Variants in MLLT6 observed in about 807,000 individuals in gnomAD.
MLLT6 encodes protein AF-17.
In MLLT6, 22 loss-of-function variants were observed where a neutral mutation model predicts 103.0. That is an observed-to-expected ratio of 0.21 (90% CI 0.15 to 0.31). The LOEUF is 0.31. MLLT6 is among the 10% of genes least tolerant of loss of function. MLLT6 has a pLI of 1.00. For missense variants in MLLT6, 1,199 were observed against 1,441.7 expected, an observed-to-expected ratio of 0.83 and a Z score of 2.73; for synonymous variants, 606 against 623.5, an observed-to-expected ratio of 0.97 and a Z score of 0.42.
intron 19 of MLLT6, 77 bp from the exon 20 acceptor site, chr17:38,725,480 G>C: frequency 7.3e-7 from 1 of 1,373,080 alleles, no homozygotes; most frequent in Non-Finnish European, 1.0e-6. Context: ...AGCTTTCTTG[G>C]CCTAGGAAGC....
chr17:38,705,424 G>C lies in MLLT6; in HGVS notation c.-209G>C, dbSNP rs1234778097. 7 of 395,436 alleles carry C rather than the reference G, an allele frequency of 1.8e-5. No individual in the cohort carries two copies. The highest frequency in any genetic ancestry group is 4.6e-5 in the Admixed American group (1 of 21,792). 24.5% of individuals were successfully genotyped at this position (395,436 alleles called of 1,614,324 possible). ...GGGCATGAGGGCGAGAGCACGGCGG[G>C]GGGGGCGGCCAGACAGAGCGAGCGA... On this transcript the variant is annotated 5_prime_UTR_variant, in exon 1 of 20. Coordinates refer to ENST00000621332, the MANE Select transcript of MLLT6 (RefSeq NM_005937.4).
chr17:38,715,717 A>G lies in MLLT6; in HGVS notation c.925A>G (p.Ser309Gly), dbSNP rs1905308692. 6.2e-7 allele frequency: 1 copy of G among 1,614,152 alleles called. No homozygotes were observed. The change falls in exon 9 of 20, where the codon AGT becomes GGT. Residue 309 changes from serine to glycine, a missense_variant. Physicochemically the swap from Ser to Gly is moderately conservative, Grantham distance 56. Coordinates refer to ENST00000621332, the MANE Select transcript of MLLT6 (RefSeq NM_005937.4). ...KGKKSSSHSLSHKGKKLSSGK... is the reference protein window; with the variant it reads ...KGKKSSSHSLGHKGKKLSSGK... ...GAAAAAGTCTTCCAGCCATAGCCTGAGTCATAAAGGGAAGAAACTGAGCAG... is the reference window on the plus strand; with the variant it reads ...GAAAAAGTCTTCCAGCCATAGCCTGGGTCATAAAGGGAAGAAACTGAGCAG...
chr17:38,717,505 C>G lies in MLLT6; in HGVS notation c.1725C>G (p.Leu575=), dbSNP rs1246304783. ...GMLRAVCSTP[L]SSSLLGPPGT... is the part of the protein sequence containing the mutation. ...TGCGGGCTGTCTGCAGCACCCCTCT[C>G]TCCTCCAGCCTCCTGGGGCCCCCAG... Residue 575 remains leucine, a synonymous_variant, in exon 11 of 20, where the codon CTC becomes CTG. Transcript: ENST00000621332. 3 of 1,613,200 alleles carry G rather than the reference C, an allele frequency of 1.9e-6. No homozygotes were observed. Among genetic ancestry groups the G allele is most frequent in the African/African-American group, 1.3e-5 (1 of 74,906 alleles).
At position 38,721,913 on chromosome 17, in the gene MLLT6, G is replaced by T. The variant is rs369528342; in HGVS notation, c.2478G>T (p.Ser826=). 6.4e-7 allele frequency: 1 copy of T among 1,573,990 alleles called. No individual in the cohort carries two copies. Among genetic ancestry groups the T allele is most frequent in the Non-Finnish European group, 8.6e-7 (1 of 1,167,876 alleles). ...PHSGCPSRSS[S]SLSFHSTPPP... Reference sequence around the variant, plus strand: ...CAGGCTGCCCGAGCCGCAGCAGCTCGTCGCTGTCCTTCCACAGCACGCCCC... The same window carrying T: ...CAGGCTGCCCGAGCCGCAGCAGCTCTTCGCTGTCCTTCCACAGCACGCCCC... Residue 826 remains serine (S), a synonymous_variant, in exon 17 of 20, where the codon TCG becomes TCT. Transcript: ENST00000621332.
rs142448508 is a variant in MLLT6, at chr17:38,717,902, C to G, written c.1891C>G (p.Pro631Ala). The G allele has an allele frequency of 8.1e-6, 13 of 1,613,974 alleles. No homozygotes were observed. The highest frequency in any genetic ancestry group is 2.7e-5 in the African/African-American group (2 of 74,920). Reference sequence around the variant, plus strand: ...CCCTTCTACCCACATCTTTGGAACCCCCATGGGTGCCGTTAATCCCCTCCT... The same window carrying G: ...CCCTTCTACCCACATCTTTGGAACCGCCATGGGTGCCGTTAATCCCCTCCT... Reference protein sequence around the residue: ...SLPSTHIFGTPMGAVNPLLSQ... With the variant: ...SLPSTHIFGTAMGAVNPLLSQ... The change falls in exon 12 of 20, where the codon CCC becomes GCC. Residue 631 changes from proline to alanine, a missense_variant. This residue lies in a region of MLLT6 where 1,034 missense variants were observed against 1,091.5 expected (regional missense o/e 0.95). Coordinates refer to ENST00000621332, the MANE Select transcript of MLLT6 (RefSeq NM_005937.4).
At chr17:38,705,765 C>A in intron 1 of MLLT6, 24 bp downstream of exon 1, 1 of 1,254,262 alleles carries the variant, frequency 8.0e-7, no homozygotes, top group Non-Finnish European at 1.0e-6. Flanking sequence ...CCGCGGGGGG[C>A]GGCGGGACCC....
Position 38,722,116 on chromosome 17 carries a change from T to C in MLLT6, c.2681T>C (p.Leu894Pro). The C allele has an allele frequency of 7.3e-7, 1 of 1,376,620 alleles. No individual in the cohort carries two copies. Among genetic ancestry groups the C allele is most frequent in the Non-Finnish European group, 9.3e-7 (1 of 1,070,416 alleles). 85.3% of individuals were successfully genotyped at this position (1,376,620 alleles called of 1,614,324 possible). A position where few individuals can be genotyped will look rare whatever the true frequency, so the allele number is the denominator to read the frequency against. The change falls in exon 17 of 20, where the codon CTG becomes CCG. Residue 894 changes from leucine to proline, a missense_variant. By Grantham distance (98) the Leu-to-Pro change is moderately conservative (BLOSUM62 -3). Coordinates refer to ENST00000621332, the MANE Select transcript of MLLT6 (RefSeq NM_005937.4). ...LLGGLAGSGG[L>P]PLNGLLGGLN... ...GGGGGGCTGGCAGGCAGTGGGGGCC[T>C]GCCCCTCAATGGGCTCCTTGGGGGG...
At position 38,716,058 on chromosome 17, in the gene MLLT6, C is replaced by A. The variant is rs770530335; in HGVS notation, c.1036+230C>A. ...ACCCCACCAACCTCATAACAGTATT[C>A]CTTATCCCCTACATTTGTGCTGCAA... On this transcript the variant is annotated intron_variant, in intron 9 of 19. Coordinates refer to ENST00000621332, the MANE Select transcript of MLLT6 (RefSeq NM_005937.4). This position sits in a 1 kb window ranked among gnomAD's most constrained non-coding sequence, Gnocchi z 5.6. 1.6e-6 allele frequency: 1 copy of A among 606,196 alleles called. No individual in the cohort carries two copies. The highest frequency in any genetic ancestry group is 2.9e-6 in the Non-Finnish European group (1 of 344,036). The allele number at this position is 606,196 out of a possible 1,614,324, so 37.6% of individuals were successfully genotyped here. A position where few individuals can be genotyped will look rare whatever the true frequency, so the allele number is the denominator to read the frequency against.
At chr17:38,710,730 G>GC (rs1357180817) in intron 6 of MLLT6, among the ~76,000 whole-genome samples, 2 of 152,152 alleles carry the variant, frequency 1.3e-5, no homozygotes, top group African/African-American at 4.8e-5. Context: ...GTCCTGATTT[G>GC]CCCCAGACAG....
Position 38,720,362 on chromosome 17 carries a change from C to T in MLLT6, c.2156-10C>T, listed in dbSNP as rs761722637. On this transcript the variant is annotated splice_polypyrimidine_tract_variant and intron_variant, in intron 14 of 19. Transcript: ENST00000621332. ...TCGCCCCTCCCTCAGGTTCCTCGCT[C>T]TCTCCGCAGTCGTGGAGATGCTGAA... The T allele has an allele frequency of 3.1e-6, 5 of 1,594,688 alleles. No individual in the cohort carries two copies. Among genetic ancestry groups the T allele is most frequent in the African/African-American group, 1.3e-5 (1 of 74,458 alleles).
At position 38,724,794 on chromosome 17, in the gene MLLT6, C is replaced by T. The variant is rs771147387; in HGVS notation, c.3058C>T (p.Pro1020Ser). The T allele has an allele frequency of 9.3e-6, 15 of 1,605,580 alleles. No individual in the cohort carries two copies. In the South Asian group the frequency reaches 1.3e-4, roughly 14 times the overall value. ...PGLLPTASAP[P>S]LLPAGALVAP... ...CCTGCTGCCCACAGCGTCTGCTCCA[C>T]CCCTGCTGCCCGCTGGAGCCCTAGT... The change falls in exon 19 of 20, where the codon CCC becomes TCC. Residue 1020 changes from proline to serine, a missense_variant. By Grantham distance (74) the Pro-to-Ser change is moderately conservative. Transcript: ENST00000621332. This position sits in a 1 kb window ranked among gnomAD's most constrained non-coding sequence, Gnocchi z 5.4.
rs891443028 is a variant in MLLT6 at position 38,716,477 on chromosome 17, C to T, written c.1147C>T (p.Pro383Ser). The T allele has an allele frequency of 6.2e-7, 1 of 1,614,160 alleles. No individual in the cohort carries two copies. Residue 383 changes from proline to serine, a missense_variant, in exon 10 of 20, where the codon CCC becomes TCC. Around this residue, in one of 7 missense-constraint regions of MLLT6, gnomAD observed 1,034 missense variants for 1,091.5 expected, o/e 0.95. Transcript: ENST00000621332. This position sits in a 1 kb window ranked among gnomAD's most constrained non-coding sequence, Gnocchi z 5.6. ...TAPAPSAPPS[P>S]SAPEPPKADL... ...CCCCGCCCCTTCAGCCCCTCCTTCT[C>T]CCTCAGCTCCCGAGCCCCCCAAGGC... is the stretch of plus-strand genomic sequence containing the variant.
chr17:38,718,220 C>G (rs899313746), intron 12 of MLLT6: 1 of 331,236 alleles, frequency 3.0e-6, no homozygotes, highest in Non-Finnish European at 5.5e-6. Context: ...ACTAAAAATA[C>G]AAAAAGTAGC....
rs745688665 is a variant in MLLT6, at chr17:38,728,297, C to G, written c.*2699C>G. On this transcript the variant is annotated 3_prime_UTR_variant, in exon 20 of 20. Coordinates refer to ENST00000621332, the MANE Select transcript of MLLT6 (RefSeq NM_005937.4). ...TACCAACGCAGGGGGATGGCTGTAA[C>G]GATCTCACCGTCTCCTAACCTCAGT... 2 of 233,232 alleles carry G rather than the reference C, an allele frequency of 8.6e-6. No homozygotes were observed. The highest frequency in any genetic ancestry group is 1.7e-5 in the Non-Finnish European group (2 of 118,094). The allele number at this position is 233,232 out of a possible 1,614,324, so 14.4% of individuals were successfully genotyped here.
chr17:38,720,279 T>A, intron 14 of MLLT6, 93 bp from the exon 15 acceptor site: 1 of 1,259,190 alleles, frequency 7.9e-7, no homozygotes, highest in Non-Finnish European at 1.1e-6. Flanking sequence ...TTTCAAGGGC[T>A]GAGCACTGGC....
rs375074629 is a variant in MLLT6, at chr17:38,719,743, G to A, written c.2010-7G>A. The A allele has an allele frequency of 6.2e-7, 1 of 1,605,758 alleles. No individual in the cohort carries two copies. Among genetic ancestry groups the A allele is most frequent in the Non-Finnish European group, 8.5e-7 (1 of 1,174,588 alleles). On this transcript the variant is annotated splice_region_variant and splice_polypyrimidine_tract_variant and intron_variant, in intron 13 of 19. Coordinates refer to ENST00000621332, the MANE Select transcript of MLLT6 (RefSeq NM_005937.4). ...GTCGACTGAACCCAGGTTCCCTCTG[G>A]CCGCAGGTCCCCCATCAGCAGCCTC... is the stretch of plus-strand genomic sequence containing the variant.
In MLLT6 at chr17:38,724,395, G is replaced by A. The variant is rs1905914863; in HGVS notation, c.2884-225G>A. 2 of 496,102 alleles carry A rather than the reference G, an allele frequency of 4.0e-6. No individual in the cohort carries two copies. The highest frequency in any genetic ancestry group is 3.6e-5 in the South Asian group (1 of 28,132). The allele number at this position is 496,102 out of a possible 1,614,324, so 30.7% of individuals were successfully genotyped here. Reference sequence around the variant, plus strand: ...ATATTAAATACCCTGCTGTTGGCCGGCAGTGCTGCAGCTGGCAAATACCAA... The same window carrying A: ...ATATTAAATACCCTGCTGTTGGCCGACAGTGCTGCAGCTGGCAAATACCAA... On this transcript the variant is annotated intron_variant, in intron 18 of 19. Coordinates refer to ENST00000621332, the MANE Select transcript of MLLT6 (RefSeq NM_005937.4). The surrounding 1 kb of genome is among the most constrained non-coding windows in gnomAD (Gnocchi z 5.4).
At chr17:38,706,759 A>C (rs1904942653) in intron 1 of MLLT6, 191 bp from the exon 2 acceptor site, 1 of 462,094 alleles carries the variant, frequency 2.2e-6, no homozygotes, top group African/African-American at 2.0e-5. Flanking sequence ...GAAGTGCTTA[A>C]TTGTGTGGTT....
Position 38,707,850 on chromosome 17 carries a change from T to C in MLLT6, c.332T>C (p.Val111Ala). The C allele has an allele frequency of 6.2e-7, 1 of 1,612,720 alleles. No individual in the cohort carries two copies. The highest frequency in any genetic ancestry group is 8.5e-7 in the Non-Finnish European group (1 of 1,179,226). The change falls in exon 4 of 20, where the codon GTG (valine) becomes GCG (alanine). Residue 111 changes from valine to alanine, a missense_variant. This residue lies in a region of MLLT6 where 59 missense variants were observed against 135.1 expected (regional missense o/e 0.44). Coordinates refer to ENST00000621332, the MANE Select transcript of MLLT6 (RefSeq NM_005937.4). ...LTMEPIVLQY[V>A]PHDRFNKTCY... ...ATGGAGCCCATCGTGCTGCAGTACG[T>C]GCCTCATGATCGCTTCAACAAGGTC...
Sources: allele counts gnomAD v4.1 joint callset (sites outside exome capture counted in the v4.1 genomes callset), GRCh38; gene constraint gnomAD v4.1.1; regional missense constraint gnomAD v4.1.1; non-coding constraint Gnocchi (gnomAD v3.1); transcripts MANE v1.5; gene names NCBI Gene and HGNC (gene_info 2026-07-23, HGNC 2026-07-21).